Variants in FSHR observed in about 807,000 individuals in gnomAD.
The protein encoded by FSHR is follicle stimulating hormone receptor.
A neutral mutation model predicts 52.1 loss-of-function variants in FSHR; 46 were observed. The observed-to-expected ratio is 0.88, with a 90% CI of 0.70 to 1.13. The LOEUF (loss-of-function observed/expected upper bound fraction) is 1.13. Ranked by LOEUF, FSHR falls within the 50% of genes most tolerant of loss-of-function variation. The pLI is 0.00. For synonymous variants in FSHR, 399 were observed against 309.6 expected (o/e 1.29, Z -3.03); for missense variants, 964 against 834.6 (o/e 1.16, Z -1.91).
intron 2 of FSHR, among the ~76,000 whole-genome samples, chr2:49,032,710 A>G (rs1235902908): frequency 6.6e-6 from 1 of 152,192 alleles, no homozygotes; most frequent in African/African-American, 2.4e-5. Context: ...AAGGCCACAC[A>G]GTGAGTGAAA....
At chr2:48,987,937 C>T (rs944231205) in intron 6 of FSHR, among the ~76,000 whole-genome samples, 1 of 151,780 alleles carries the variant, frequency 6.6e-6, no homozygotes, top group East Asian at 1.9e-4. Context: ...TAGCTTTTGT[C>T]CTAATATCTA....
In FSHR at chr2:48,962,614, A is replaced by G. The variant is rs1674274953; in HGVS notation, c.*119T>C. 2 of 1,019,454 alleles carry G rather than the reference A, an allele frequency of 2.0e-6. No individual in the cohort carries two copies. The highest frequency in any genetic ancestry group is 2.8e-5 in the South Asian group (2 of 71,598). 63.2% of individuals were successfully genotyped at this position (1,019,454 alleles called of 1,614,324 possible). A position where few individuals can be genotyped will look rare whatever the true frequency, so the allele number is the denominator to read the frequency against. ...TTCCTGACCAATTTACCTTAAAGGT[A>G]TGCCAGGAATATTAAATTAGATGAA... is the stretch of plus-strand genomic sequence containing the variant. On this transcript the variant is annotated 3_prime_UTR_variant, in exon 10 of 10. Coordinates refer to ENST00000406846, the MANE Select transcript of FSHR (RefSeq NM_000145.4).
chr2:49,059,932 G>A (rs981378380), intron 2 of FSHR, among the ~76,000 whole-genome samples: 1 of 151,890 alleles, frequency 6.6e-6, no homozygotes, highest in Admixed American at 6.6e-5. Flanking sequence ...CCACAGAATG[G>A]GAGAATATGT....
At chr2:49,111,789 T>C (rs1208784655) in intron 1 of FSHR, among the ~76,000 whole-genome samples, 1 of 152,168 alleles carries the variant, frequency 6.6e-6, no homozygotes, top group East Asian at 1.9e-4. Flanking sequence ...CTCCATATTC[T>C]TTATACTTTC....
intron 6 of FSHR, among the ~76,000 whole-genome samples, chr2:48,983,642 G>C: frequency 6.6e-6 from 1 of 152,220 alleles, no homozygotes; most frequent in East Asian, 1.9e-4. Flanking sequence ...CAGCAGGCCT[G>C]GCTGTCATCA....
Position 48,982,895 on chromosome 2 carries a change from T to C in FSHR, c.668+17A>G. ...CAAACTGAGCTCTTACACACAGAAA[T>C]GGGGAAAGCTACTCACAGAATGACT... On this transcript the variant is annotated intron_variant, in intron 8 of 9. Coordinates refer to ENST00000406846, the MANE Select transcript of FSHR (RefSeq NM_000145.4). The C allele has an allele frequency of 3.7e-6, 6 of 1,602,792 alleles. No individual in the cohort carries two copies. Among genetic ancestry groups the C allele is most frequent in the Non-Finnish European group, 5.1e-6 (6 of 1,169,736 alleles).
chr2:49,022,216 T>A (rs955284459), intron 2 of FSHR, among the ~76,000 whole-genome samples: 1 of 152,098 alleles, frequency 6.6e-6, no homozygotes, highest in African/African-American at 2.4e-5. Flanking sequence ...CATATGTCCT[T>A]GCCGAAGTTC....
At chr2:49,147,335 C>T (rs765124892) in intron 1 of FSHR, among the ~76,000 whole-genome samples, 1 of 151,972 alleles carries the variant, frequency 6.6e-6, no homozygotes, top group South Asian at 2.1e-4. Flanking sequence ...TAAATCTAAG[C>T]GCCTAAAGAA....
chr2:49,108,387 G>A (rs978235463), intron 1 of FSHR, among the ~76,000 whole-genome samples: 1 of 151,998 alleles, frequency 6.6e-6, no homozygotes, highest in African/African-American at 2.4e-5. Flanking sequence ...TGGTTTCTCT[G>A]GAGAACCCTG....
chr2:49,114,031 A>G (rs1301911472), intron 1 of FSHR, among the ~76,000 whole-genome samples: 1 of 152,098 alleles, frequency 6.6e-6, no homozygotes, highest in Non-Finnish European at 1.5e-5. Flanking sequence ...ACACCAGCAA[A>G]GCATGCTCCT....
chr2:49,023,041 A>G (rs1667793794), intron 2 of FSHR, among the ~76,000 whole-genome samples: 1 of 152,122 alleles, frequency 6.6e-6, no homozygotes, highest in Admixed American at 6.6e-5. Context: ...ATAATATGCT[A>G]CCAGACTTTT....
intron 2 of FSHR, among the ~76,000 whole-genome samples, chr2:49,036,611 T>C (rs544177005): frequency 6.6e-6 from 1 of 152,308 alleles, no homozygotes; most frequent in East Asian, 1.9e-4. Context: ...GTTTCCATAA[T>C]GTCTTCCCTC....
At chr2:49,131,445 A>C (rs770127823) in intron 1 of FSHR, among the ~76,000 whole-genome samples, 44 of 152,192 alleles carry the variant, frequency 2.9e-4, no homozygotes, top group Non-Finnish European at 5.7e-4. Flanking sequence ...CAAATAAATA[A>C]ATAATCAATT....
chr2:48,982,421 C>T (rs1675293381), intron 8 of FSHR, among the ~76,000 whole-genome samples: 1 of 152,192 alleles, frequency 6.6e-6, no homozygotes, highest in Admixed American at 6.5e-5. Context: ...GTTGAAGGAA[C>T]CTCCTGAGTG....
chr2:49,110,203 C>A (rs959647644), intron 1 of FSHR, among the ~76,000 whole-genome samples: 72 of 152,080 alleles, frequency 4.7e-4, no homozygotes, highest in African/African-American at 1.7e-3. Context: ...AGTGTTTTTA[C>A]CTTTATTAGC....
intron 8 of FSHR, among the ~76,000 whole-genome samples, chr2:48,977,739 T>C (rs1380312290): frequency 6.6e-6 from 1 of 152,192 alleles, no homozygotes; most frequent in African/African-American, 2.4e-5. Flanking sequence ...TCTTACCCCT[T>C]GCCAGACACA....
intron 1 of FSHR, among the ~76,000 whole-genome samples, chr2:49,088,243 C>T (rs568787207): frequency 1.6e-4 from 24 of 151,932 alleles, no homozygotes; most frequent in South Asian, 1.5e-3. Context: ...TTAATGAGGG[C>T]GAGGAGAATG....
chr2:49,128,864 T>A (rs1381548584), intron 1 of FSHR, among the ~76,000 whole-genome samples: 1 of 151,902 alleles, frequency 6.6e-6, no homozygotes, highest in African/African-American at 2.4e-5. Context: ...AGAACTGATA[T>A]CAGAAGACAG....
intron 8 of FSHR, among the ~76,000 whole-genome samples, chr2:48,973,541 A>G (rs1674840202): frequency 6.6e-6 from 1 of 152,258 alleles, no homozygotes; most frequent in South Asian, 2.1e-4. Flanking sequence ...TTAACAGTTG[A>G]AGAAGTATTT....
Sources: allele counts gnomAD v4.1 joint callset (sites outside exome capture counted in the v4.1 genomes callset), GRCh38; gene constraint gnomAD v4.1.1; transcripts MANE v1.5; gene names NCBI Gene and HGNC (gene_info 2026-07-23, HGNC 2026-07-21).